SAFB: variants seen among roughly 807,000 people sequenced by gnomAD.
SAFB encodes the protein scaffold attachment factor B, also known as scaffold attachment factor B1.
Under a neutral mutation model 101.6 loss-of-function variants are expected in SAFB, and 15 were observed. That is an observed-to-expected ratio of 0.15 (90% CI 0.10 to 0.23). The LOEUF (loss-of-function observed/expected upper bound fraction) is 0.23, where lower values mean the gene tolerates loss of function less well. SAFB is among the 10% of genes least tolerant of loss of function. The pLI is 1.00. For synonymous variants in SAFB, 449 were observed against 407.5 expected (o/e 1.10, Z -1.23); for missense variants, 930 against 1,104.1 (o/e 0.84, Z 2.23).
chr19:5,651,355 G>T (rs1363076696), intron 9 of SAFB, among the ~76,000 whole-genome samples: 2 of 152,196 alleles, frequency 1.3e-5, no homozygotes, highest in Non-Finnish European at 2.9e-5. Flanking sequence ...TCGCACTCAG[G>T]CTGGGCTGCC....
intron 16 of SAFB, 76 bp from the exon 17 acceptor site, chr19:5,664,321 T>C (rs556703843): frequency 2.2e-4 from 323 of 1,468,216 alleles, no homozygotes; most frequent in Non-Finnish European, 2.2e-4. Flanking sequence ...ATGCTTTTCA[T>C]TGGGGGCCTG....
intron 2 of SAFB, among the ~76,000 whole-genome samples, chr19:5,640,996 C>T (rs1004328486): frequency 6.7e-6 from 1 of 150,158 alleles, no homozygotes; most frequent in Non-Finnish European, 1.5e-5. Flanking sequence ...GTGGCGCAGT[C>T]TCGGCTCAGT....
At chr19:5,650,152 C>G (rs1362521331) in intron 8 of SAFB, among the ~76,000 whole-genome samples, 177 bp downstream of exon 8, 1 of 152,154 alleles carries the variant, frequency 6.6e-6, no homozygotes, top group African/African-American at 2.4e-5. Flanking sequence ...AGGAAGCATA[C>G]CAGGTCCTAA....
intron 9 of SAFB, among the ~76,000 whole-genome samples, chr19:5,652,683 C>T (rs769563971): frequency 6.6e-6 from 1 of 152,142 alleles, no homozygotes; most frequent in Non-Finnish European, 1.5e-5. Flanking sequence ...ATCTGAGTTC[C>T]AGAGCACGGC....
chr19:5,639,604 A>T (rs2053663132), intron 2 of SAFB, among the ~76,000 whole-genome samples: 1 of 151,268 alleles, frequency 6.6e-6, no homozygotes, highest in African/African-American at 2.4e-5. Flanking sequence ...GAGGCAGGAG[A>T]ATCACTTGAA....
chr19:5,662,326 C>T (rs557033600), intron 15 of SAFB, among the ~76,000 whole-genome samples: 1 of 152,036 alleles, frequency 6.6e-6, no homozygotes, highest in African/African-American at 2.4e-5. Flanking sequence ...GGCAGAACCC[C>T]GTCTCTACTA....
At chr19:5,626,516 C>T in intron 2 of SAFB, 27 bp downstream of exon 2, 1 of 1,316,546 alleles carries the variant, frequency 7.6e-7, no homozygotes, top group Non-Finnish European at 1.1e-6. Flanking sequence ...AAGCAAGTTT[C>T]ATGTTAAGTG....
At chr19:5,631,665 A>C (rs779146842) in intron 2 of SAFB, among the ~76,000 whole-genome samples, 1 of 152,164 alleles carries the variant, frequency 6.6e-6, no homozygotes, top group Non-Finnish European at 1.5e-5. Context: ...CAGAATTGTC[A>C]CTTTAACATT....
chr19:5,661,601 G>A lies in SAFB; in HGVS notation c.1946G>A (p.Arg649Gln). The change falls in exon 15 of 21, where the codon CGA (arginine) becomes CAA (glutamine). Residue 649 changes from arginine (R) to glutamine (Q), a missense_variant. By Grantham distance (43) the Arg-to-Gln change is conservative (BLOSUM62 1). This residue lies in a region of SAFB where 159 missense variants were observed against 234.1 expected (regional missense o/e 0.68). Coordinates refer to ENST00000588852, the MANE Select transcript of SAFB (RefSeq NM_001201338.2). ...REERERLEIA[R>Q]ERLAFQRQRL... ...GAGCGTGAGCGGCTGGAGATTGCCCGAGAGAGGCTGGCCTTCCAGCGCCAG... is the reference window on the plus strand; with the variant it reads ...GAGCGTGAGCGGCTGGAGATTGCCCAAGAGAGGCTGGCCTTCCAGCGCCAG... The A allele has an allele frequency of 6.2e-7, 1 of 1,612,878 alleles. No individual in the cohort carries two copies. Among genetic ancestry groups the A allele is most frequent in the Non-Finnish European group, 8.5e-7 (1 of 1,179,888 alleles).
rs372208734 is a variant in SAFB at position 5,623,109 on chromosome 19, G to C, written c.-97G>C. The C allele has an allele frequency of 4.0e-6, 5 of 1,265,166 alleles. No individual in the cohort carries two copies. Among genetic ancestry groups the C allele is most frequent in the African/African-American group, 1.5e-5 (1 of 66,128 alleles). 78.4% of individuals were successfully genotyped at this position (1,265,166 alleles called of 1,614,324 possible). The stretch of plus-strand genomic sequence containing the variant: ...GAAGCGAGGCGCGCTGGGGCGACTG[G>C]AGCGGTTCCCTCGCAGGCGGCGCCA... On this transcript the variant is annotated 5_prime_UTR_variant, in exon 1 of 21. Coordinates refer to ENST00000588852, the MANE Select transcript of SAFB (RefSeq NM_001201338.2).
intron 15 of SAFB, among the ~76,000 whole-genome samples, chr19:5,662,770 A>G (rs2054244264): frequency 1.3e-5 from 2 of 148,820 alleles, no homozygotes; most frequent in Admixed American, 6.7e-5. Context: ...CCTCCCTAGT[A>G]TTCGAGATTA....
At chr19:5,656,332 C>CACAATCTCAGCTCACT (rs2054059060) in intron 13 of SAFB, among the ~76,000 whole-genome samples, 1 of 151,930 alleles carries the variant, frequency 6.6e-6, no homozygotes, top group Admixed American at 6.6e-5. Flanking sequence ...AATACAGTGG[C>CACAATCTCAGCTCACT]ACAATCTCAG....
chr19:5,662,801 C>G (rs562865895), intron 15 of SAFB, among the ~76,000 whole-genome samples: 2 of 151,464 alleles, frequency 1.3e-5, no homozygotes, highest in Non-Finnish European at 2.9e-5. Context: ...CCACCACACC[C>G]GGCTAATTTT....
At chr19:5,642,894 T>G (rs2053753470) in intron 4 of SAFB, among the ~76,000 whole-genome samples, 1 of 151,988 alleles carries the variant, frequency 6.6e-6, no homozygotes, top group African/African-American at 2.4e-5. Context: ...TTTGAACTCT[T>G]GACCTCAGGT....
intron 16 of SAFB, 71 bp downstream of exon 16, chr19:5,664,230 CT>C: frequency 6.5e-7 from 1 of 1,546,200 alleles, no homozygotes; most frequent in Admixed American, 1.8e-5. Flanking sequence ...ACAAGGACTC[CT>C]GGGCTCTCTG....
At chr19:5,626,273 C>A in intron 1 of SAFB, 132 bp from the exon 2 acceptor site, 2 of 629,606 alleles carry the variant, frequency 3.2e-6, no homozygotes, top group Non-Finnish European at 2.9e-6. Context: ...GGATGGGCCA[C>A]AGGTCCTGGG....
chr19:5,631,391 C>G (rs1300109753), intron 2 of SAFB, among the ~76,000 whole-genome samples: 2 of 152,116 alleles, frequency 1.3e-5, no homozygotes, highest in Non-Finnish European at 2.9e-5. Context: ...TTTTGTTTTG[C>G]TTCTTGTAAT....
Position 5,662,643 on chromosome 19 carries a change from C to CTTT in SAFB, c.2153+848_2153+850dup, listed in dbSNP as rs564198873. Among the ~76,000 whole-genome samples the CTTT allele has an allele frequency of 4.6e-3, 646 of 139,122 alleles. 5 individuals carry two copies. The highest frequency in any genetic ancestry group is 0.016 in the African/African-American group (591 of 37,558). 91.3% of individuals were successfully genotyped at this position (139,122 alleles called of 152,430 possible). A position where few individuals can be genotyped will look rare whatever the true frequency, so the allele number is the denominator to read the frequency against. Reference sequence around the variant, plus strand: ...ACTGCACCTCCTTTAAGGCCCTTTCCTTTTTTTTTTTTTTTGAGATAGAGT... The same window carrying CTTT: ...ACTGCACCTCCTTTAAGGCCCTTTCCTTTTTTTTTTTTTTTTTTGAGATAGAGT... On this transcript the variant is annotated intron_variant, in intron 15 of 20. Transcript: ENST00000588852.
chr19:5,656,249 T>C (rs1428382478), intron 13 of SAFB, among the ~76,000 whole-genome samples: 3 of 152,116 alleles, frequency 2.0e-5, no homozygotes, highest in Non-Finnish European at 4.4e-5. Context: ...TTTTTTCATT[T>C]TTTTATTTTA....
Sources: gnomAD v4.1 joint callset for allele counts (sites outside exome capture counted in the v4.1 genomes callset) on GRCh38, gnomAD v4.1.1 for gene constraint, gnomAD v4.1.1 regional missense constraint, MANE v1.5 for transcripts, NCBI Gene and HGNC (gene_info 2026-07-23, HGNC 2026-07-21) for gene names.